ZNHIT6: variants seen among roughly 807,000 people sequenced by gnomAD.
ZNHIT6 encodes zinc finger HIT-type containing 6.
In ZNHIT6, 45 loss-of-function variants were observed where a neutral mutation model predicts 57.2. The ratio of observed to expected loss-of-function variants is 0.79; its 90% CI spans 0.62 to 1.01. The LOEUF (loss-of-function observed/expected upper bound fraction) is 1.01. ZNHIT6 is among the 50% of genes least tolerant of loss of function. The pLI, the probability that ZNHIT6 is intolerant of heterozygous loss-of-function variation, is 0.00. For synonymous variants in ZNHIT6, 188 were observed against 190.0 expected (o/e 0.99, Z 0.09); for missense variants, 528 against 567.3 (o/e 0.93, Z 0.70).
chr1:85,702,144 G>A lies in ZNHIT6; in HGVS notation c.1019+13C>T. Reference sequence around the variant, plus strand: ...ATCAGAATACCTGATATACTAAAAAGTTAGAAACTTACTTCTTATCAAAAA... The same window carrying A: ...ATCAGAATACCTGATATACTAAAAAATTAGAAACTTACTTCTTATCAAAAA... On this transcript the variant is annotated intron_variant, in intron 5 of 9. Transcript: ENST00000370574. 1 of 1,563,450 alleles carries A rather than the reference G, an allele frequency of 6.4e-7. No individual in the cohort carries two copies. The highest frequency in any genetic ancestry group is 8.7e-7 in the Non-Finnish European group (1 of 1,145,022).
chr1:85,653,958 A>G lies in ZNHIT6; in HGVS notation c.*100T>C, dbSNP rs573966057. Reference sequence around the variant, plus strand: ...ATTTTTCATACAAAGAAAAAATTCCAATCACCCATTGACAATACCCCAATC... The same window carrying G: ...ATTTTTCATACAAAGAAAAAATTCCGATCACCCATTGACAATACCCCAATC... On this transcript the variant is annotated 3_prime_UTR_variant, in exon 10 of 10. Transcript: ENST00000370574. 5 of 877,432 alleles carry G rather than the reference A, an allele frequency of 5.7e-6. No homozygotes were observed. In the East Asian group the frequency reaches 1.3e-4, roughly 22 times the overall value. The allele number at this position is 877,432 out of a possible 1,614,324, so 54.4% of individuals were successfully genotyped here. A position where few individuals can be genotyped will look rare whatever the true frequency, so the allele number is the denominator to read the frequency against.
At chr1:85,687,727 A>AT (rs1244303420) in intron 5 of ZNHIT6, among the ~76,000 whole-genome samples, 2 of 152,168 alleles carry the variant, frequency 1.3e-5, no homozygotes, top group Non-Finnish European at 2.9e-5. Context: ...TATGCTTAAA[A>AT]TTTTTACTTC....
At chr1:85,700,501 A>C (rs1662499316) in intron 5 of ZNHIT6, among the ~76,000 whole-genome samples, 1 of 152,140 alleles carries the variant, frequency 6.6e-6, no homozygotes, top group Non-Finnish European at 1.5e-5. Flanking sequence ...AATATATTAA[A>C]CCTGGAAAAT....
intron 8 of ZNHIT6, among the ~76,000 whole-genome samples, chr1:85,661,366 G>A (rs1413130064): frequency 6.6e-6 from 1 of 152,172 alleles, no homozygotes; most frequent in Admixed American, 6.5e-5. Context: ...ACTTCAGAGA[G>A]TTACTGTGAG....
intron 7 of ZNHIT6, among the ~76,000 whole-genome samples, chr1:85,677,568 T>G (rs566309296): frequency 6.6e-6 from 1 of 152,360 alleles, no homozygotes; most frequent in South Asian, 2.1e-4. Context: ...CAAAAATGTA[T>G]CCTATTCAGT....
Position 85,687,303 on chromosome 1 carries a change from AAAAAAAAAC to A in ZNHIT6, c.1020-6408_1020-6400del, listed in dbSNP as rs1557861149. Among the ~76,000 whole-genome samples the A allele has an allele frequency of 8.7e-4, 124 of 142,102 alleles. 17 individuals are homozygous for A. The highest frequency in any genetic ancestry group is 1.5e-3 in the Non-Finnish European group (97 of 64,846). The allele number at this position is 142,102 out of a possible 152,430, so 93.2% of individuals were successfully genotyped here. A position where few individuals can be genotyped will look rare whatever the true frequency, so the allele number is the denominator to read the frequency against. The stretch of plus-strand genomic sequence containing the variant: ...TCTCAAAAAACAAAAAAAAAACAAA[AAAAAAAAAC>A]AATTTAGAACCCAGTACTCAAAAAT... On this transcript the variant is annotated intron_variant, in intron 5 of 9. Coordinates refer to ENST00000370574, the MANE Select transcript of ZNHIT6 (RefSeq NM_017953.4).
At chr1:85,659,891 CAG>C (rs1661177148) in intron 8 of ZNHIT6, among the ~76,000 whole-genome samples, 1 of 152,090 alleles carries the variant, frequency 6.6e-6, no homozygotes, top group Non-Finnish European at 1.5e-5. Context: ...TTTAAAATTG[CAG>C]AATATTCTTT....
chr1:85,690,091 A>G (rs1329103101), intron 5 of ZNHIT6, among the ~76,000 whole-genome samples: 3 of 152,346 alleles, frequency 2.0e-5, no homozygotes, highest in South Asian at 2.1e-4. Flanking sequence ...TGGAATAAAA[A>G]GACATTCTAG....
At chr1:85,703,666 A>G (rs74097079) in intron 4 of ZNHIT6, among the ~76,000 whole-genome samples, 5,819 of 152,296 alleles carry the variant, frequency 0.038, 397 homozygotes, top group African/African-American at 0.13. Context: ...AAAACACAAC[A>G]GTATAAAGCT....
intron 5 of ZNHIT6, among the ~76,000 whole-genome samples, chr1:85,687,131 A>T (rs1327588030): frequency 6.6e-6 from 1 of 151,094 alleles, no homozygotes; most frequent in South Asian, 2.1e-4. Flanking sequence ...ACAAAAAAAA[A>T]TTGCCAGGAT....
At chr1:85,667,831 G>A (rs1661413954) in intron 8 of ZNHIT6, among the ~76,000 whole-genome samples, 3 of 149,794 alleles carry the variant, frequency 2.0e-5, no homozygotes, top group Admixed American at 2.0e-4. Context: ...CTACTTGGGA[G>A]GCTGAGGCAC....
At chr1:85,660,054 G>T (rs1316139060) in intron 8 of ZNHIT6, among the ~76,000 whole-genome samples, 1 of 151,948 alleles carries the variant, frequency 6.6e-6, no homozygotes. Flanking sequence ...CAGCATTCAA[G>T]GATTAAATGC....
chr1:85,666,675 T>C lies in ZNHIT6; in HGVS notation c.1248-8704A>G, dbSNP rs1661379195. On this transcript the variant is annotated intron_variant, in intron 8 of 9. Coordinates refer to ENST00000370574, the MANE Select transcript of ZNHIT6 (RefSeq NM_017953.4). The stretch of plus-strand genomic sequence containing the variant: ...CTTAAAGCTAAGTTAACAATTCTTA[T>C]CATAAAACTGCTTTAACAAGAATAC... Among the ~76,000 whole-genome samples the C allele has an allele frequency of 2.6e-5, 4 of 152,172 alleles. No homozygotes were observed. In the South Asian group the frequency reaches 6.2e-4, roughly 24 times the overall value.
intron 4 of ZNHIT6, among the ~76,000 whole-genome samples, chr1:85,703,195 C>A (rs1662584468): frequency 6.6e-6 from 1 of 152,024 alleles, no homozygotes; most frequent in South Asian, 2.1e-4. Context: ...GAACCAGAAA[C>A]AATCTCTACT....
chr1:85,688,816 T>C (rs1458749843), intron 5 of ZNHIT6, among the ~76,000 whole-genome samples: 2 of 152,060 alleles, frequency 1.3e-5, no homozygotes, highest in African/African-American at 2.4e-5. Flanking sequence ...ACTATGAGGA[T>C]TACATGGACA....
In ZNHIT6 at chr1:85,707,843, C is replaced by T. The variant is rs1378208868; in HGVS notation, c.442G>A (p.Asp148Asn). 1.2e-6 allele frequency: 2 copies of T among 1,614,020 alleles called. No homozygotes were observed. The highest frequency in any genetic ancestry group is 1.3e-5 in the African/African-American group (1 of 74,894). The change falls in exon 1 of 10, where the codon GAC (aspartate) becomes AAC (asparagine). Residue 148 changes from aspartate to asparagine, a missense_variant. Coordinates refer to ENST00000370574, the MANE Select transcript of ZNHIT6 (RefSeq NM_017953.4). Reference protein sequence around the residue: ...KEEKVKEEVMDWSEVKEEKDN... With the variant: ...KEEKVKEEVMNWSEVKEEKDN... ...TTCTCTTCCTTCACTTCTGACCAGT[C>T]CATTACCTCTTCCTTTACCTTCTCT...
At chr1:85,662,874 A>ATTCT (rs1284380075) in intron 8 of ZNHIT6, among the ~76,000 whole-genome samples, 5 of 152,218 alleles carry the variant, frequency 3.3e-5, no homozygotes, top group Non-Finnish European at 7.3e-5. Flanking sequence ...CATGATATTT[A>ATTCT]AACTATGGAT....
chr1:85,706,599 A>G, intron 1 of ZNHIT6, 92 bp from the exon 2 acceptor site: 1 of 1,153,634 alleles, frequency 8.7e-7, no homozygotes, highest in Non-Finnish European at 1.2e-6. Context: ...AAACTCAGTG[A>G]CAAGTAACTG....
chr1:85,692,728 A>T (rs901086911), intron 5 of ZNHIT6, among the ~76,000 whole-genome samples: 1 of 152,194 alleles, frequency 6.6e-6, no homozygotes, highest in Non-Finnish European at 1.5e-5. Context: ...TAAAAAAAAA[A>T]AAAAAGTCCT....
Sources: allele counts gnomAD v4.1 joint callset (sites outside exome capture counted in the v4.1 genomes callset), GRCh38; gene constraint gnomAD v4.1.1; transcripts MANE v1.5; gene names NCBI Gene and HGNC (gene_info 2026-07-23, HGNC 2026-07-21).